Variants in PRDM4 observed in about 807,000 individuals in gnomAD.
PRDM4 encodes PR domain zinc finger protein 4.
A neutral mutation model predicts 62.3 loss-of-function variants in PRDM4; 38 were observed. That is an observed-to-expected ratio of 0.61 (90% CI 0.47 to 0.80). PRDM4 has a LOEUF of 0.80. Among genes scored for constraint, PRDM4 ranks in the 30% least tolerant of loss-of-function variants. The pLI, the probability that PRDM4 is intolerant of heterozygous loss-of-function variation, is 0.00. For missense variants in PRDM4, 858 were observed against 997.1 expected, an observed-to-expected ratio of 0.86 and a Z score of 1.88; for synonymous variants, 339 against 348.2, an observed-to-expected ratio of 0.97 and a Z score of 0.30.
chr12:107,760,439 C>A (rs1384711906), intron 2 of PRDM4, 66 bp downstream of exon 2: 1 of 1,602,994 alleles, frequency 6.2e-7, no homozygotes, highest in Non-Finnish European at 8.5e-7. Flanking sequence ...CGGCACTGAC[C>A]CTGGACACTC....
intron 11 of PRDM4, 69 bp downstream of exon 11, chr12:107,739,314 G>A: frequency 6.5e-7 from 1 of 1,527,458 alleles, no homozygotes; most frequent in Non-Finnish European, 8.9e-7. Flanking sequence ...CCTTCAATCA[G>A]CAGGTGGGCT....
At chr12:107,750,026 T>C (rs1389626156) in intron 5 of PRDM4, among the ~76,000 whole-genome samples, 1 of 152,226 alleles carries the variant, frequency 6.6e-6, no homozygotes, top group Admixed American at 6.5e-5. Context: ...GTATGTTACT[T>C]CCCTTGGTTA....
At chr12:107,744,119 AG>A (rs201248129) in intron 7 of PRDM4, among the ~76,000 whole-genome samples, 8,697 of 150,706 alleles carry the variant, frequency 0.058, 272 homozygotes, top group South Asian at 0.092. Flanking sequence ...ATCTCAAGGA[AG>A]AAAAAAAAAG....
intron 11 of PRDM4, chr12:107,738,543 C>T (rs1010827550): frequency 4.6e-5 from 7 of 152,212 alleles, no homozygotes; most frequent in Non-Finnish European, 1.0e-4. Flanking sequence ...TTTTCTTCCT[C>T]TTCTGACACT....
chr12:107,753,901 T>A, intron 4 of PRDM4, 23 bp downstream of exon 4: 8 of 1,585,332 alleles, frequency 5.0e-6, no homozygotes, highest in Non-Finnish European at 6.9e-6. Flanking sequence ...TTCTCTAACA[T>A]CTCAAGTAAC....
In PRDM4 at chr12:107,756,835, G is replaced by C. The variant is rs745551816; in HGVS notation, c.142C>G (p.Pro48Ala). The change falls in exon 3 of 12, where the codon CCA becomes GCA. Residue 48 changes from proline (P) to alanine (A), a missense_variant. Physicochemically the swap from Pro to Ala is conservative, Grantham distance 27 (BLOSUM62 -1). Around this residue, in one of 3 missense-constraint regions of PRDM4, gnomAD observed 499 missense variants for 546.7 expected, o/e 0.91. Transcript: ENST00000228437. ...GTAGGTCTCCCTTACCACTCACCTGGGGCAGGGATGGCACTGTGAGTGGGT... is the reference window on the plus strand; with the variant it reads ...GTAGGTCTCCCTTACCACTCACCTGCGGCAGGGATGGCACTGTGAGTGGGT... ...ASPTHSAIPA[P>A]GLPVAIPNLG... 2 of 1,613,998 alleles carry C rather than the reference G, an allele frequency of 1.2e-6. No individual in the cohort carries two copies. The highest frequency in any genetic ancestry group is 1.3e-5 in the African/African-American group (1 of 75,000).
chr12:107,734,399 A>G lies in PRDM4; in HGVS notation c.2217T>C (p.Tyr739=), dbSNP rs765670500. The change falls in exon 12 of 12, where the codon TAT becomes TAC. Residue 739 remains tyrosine (Y), a synonymous_variant. Coordinates refer to ENST00000228437, the MANE Select transcript of PRDM4 (RefSeq NM_012406.4). ...DYVCEKCTKA[Y]LTKYHLTRHL... The stretch of plus-strand genomic sequence containing the variant: ...GGCGGGTGAGATGGTATTTGGTTAG[A>G]TAAGCCTTTGTACATTTTTCACAGA... The G allele has an allele frequency of 5.0e-6, 8 of 1,614,050 alleles. No homozygotes were observed. Among genetic ancestry groups the G allele is most frequent in the Non-Finnish European group, 5.9e-6 (7 of 1,180,028 alleles).
rs1814335 is a variant in PRDM4, at chr12:107,756,981, C to A, written c.12-16G>T. 0.37 allele frequency: 591,851 copies of A among 1,610,856 alleles called. 116,506 individuals carry two copies. The highest frequency in any genetic ancestry group is 0.41 in the Middle Eastern group (2,467 of 6,034). On this transcript the variant is annotated splice_polypyrimidine_tract_variant and intron_variant, in intron 2 of 11. Transcript: ENST00000228437. ...TTCATTCATCCTAGAAAAGAGCACA[C>A]ACAACTAGTTATGCAAAAATTTACT... is the stretch of plus-strand genomic sequence containing the variant.
In PRDM4 at chr12:107,739,452, T is replaced by C. The variant is rs1398572403; in HGVS notation, c.2024A>G (p.Lys675Arg). ...AAACAACTTGTCACAGTAATCACACTTAAGATTCTTCTCCCCAGTGTGGAT... is the reference window on the plus strand; with the variant it reads ...AAACAACTTGTCACAGTAATCACACCTAAGATTCTTCTCCCCAGTGTGGAT... ...MVIHTGEKNLKCDYCDKLFMR... is the reference protein window; with the variant it reads ...MVIHTGEKNLRCDYCDKLFMR... The change falls in exon 11 of 12, where the codon AAG becomes AGG. Residue 675 changes from lysine to arginine, a missense_variant. By Grantham distance (26) the Lys-to-Arg change is conservative (BLOSUM62 2). Transcript: ENST00000228437. 6.2e-7 allele frequency: 1 copy of C among 1,613,942 alleles called. No homozygotes were observed. Among genetic ancestry groups the C allele is most frequent in the South Asian group, 1.1e-5 (1 of 91,078 alleles).
rs1045749 is a variant in PRDM4, at chr12:107,733,077, T to C, written c.*1133A>G. 44,526 of 152,466 alleles carry C rather than the reference T, an allele frequency of 0.29. 8,216 individuals carry two copies. The highest frequency in any genetic ancestry group is 0.43 in the Middle Eastern group (125 of 294). The allele number at this position is 152,466 out of a possible 1,614,324, so 9.4% of individuals were successfully genotyped here. A position where few individuals can be genotyped will look rare whatever the true frequency, so the allele number is the denominator to read the frequency against. ...GCTTCTGAGAAACGCTGGATGTGCATGGGAGACACAATGACCAGGTGCATG... is the reference window on the plus strand; with the variant it reads ...GCTTCTGAGAAACGCTGGATGTGCACGGGAGACACAATGACCAGGTGCATG... On this transcript the variant is annotated 3_prime_UTR_variant, in exon 12 of 12. Coordinates refer to ENST00000228437, the MANE Select transcript of PRDM4 (RefSeq NM_012406.4).
chr12:107,740,242 T>C (rs1890473379), intron 10 of PRDM4, among the ~76,000 whole-genome samples: 1 of 152,140 alleles, frequency 6.6e-6, no homozygotes, highest in Non-Finnish European at 1.5e-5. Flanking sequence ...ATCCTAGCAT[T>C]TTGGGAGGCT....
At chr12:107,738,903 ACACACACACAC>A (rs1890424967) in intron 11 of PRDM4, among the ~76,000 whole-genome samples, 1 of 151,554 alleles carries the variant, frequency 6.6e-6, no homozygotes, top group East Asian at 1.9e-4. Context: ...ACACACACAC[ACACACACACAC>A]CAACAGAACA....
chr12:107,750,412 T>C (rs533671751), intron 5 of PRDM4, among the ~76,000 whole-genome samples: 2 of 152,150 alleles, frequency 1.3e-5, no homozygotes, highest in South Asian at 2.1e-4. Context: ...GGTGTGGTGG[T>C]ACACACTTGG....
chr12:107,745,402 A>T (rs1241678582), intron 6 of PRDM4, among the ~76,000 whole-genome samples: 1 of 152,080 alleles, frequency 6.6e-6, no homozygotes, highest in African/African-American at 2.4e-5. Flanking sequence ...TCTCTACAAA[A>T]AAAATTTTTT....
At chr12:107,752,235 C>A in intron 4 of PRDM4, 26 bp from the exon 5 acceptor site, 1 of 1,504,600 alleles carries the variant, frequency 6.6e-7, no homozygotes, top group South Asian at 1.1e-5. Flanking sequence ...GATGAGATAT[C>A]AGAGACTTTT....
intron 6 of PRDM4, among the ~76,000 whole-genome samples, chr12:107,745,621 A>G (rs952418006): frequency 1.3e-5 from 2 of 152,342 alleles, no homozygotes; most frequent in East Asian, 3.9e-4. Flanking sequence ...ACATTATTCT[A>G]TTGTAAAAAT....
At chr12:107,736,054 A>T (rs1890319829) in intron 11 of PRDM4, among the ~76,000 whole-genome samples, 5 of 152,184 alleles carry the variant, frequency 3.3e-5, no homozygotes. Flanking sequence ...CAAGGCCACA[A>T]CAAAACCCCT....
At chr12:107,750,666 GAAT>G (rs1482537032) in intron 5 of PRDM4, among the ~76,000 whole-genome samples, 5 of 151,982 alleles carry the variant, frequency 3.3e-5, no homozygotes, top group African/African-American at 7.3e-5. Flanking sequence ...ACACGCCCAA[GAAT>G]AATAATTTAT....
Position 107,734,003 on chromosome 12 carries a change from G to C in PRDM4, c.*207C>G. 1 of 547,320 alleles carries C rather than the reference G, an allele frequency of 1.8e-6. No individual in the cohort carries two copies. The highest frequency in any genetic ancestry group is 3.1e-6 in the Non-Finnish European group (1 of 319,144). 33.9% of individuals were successfully genotyped at this position (547,320 alleles called of 1,614,324 possible). ...CCCTCCCAGTCCACCACTTAAAACA[G>C]GACACATGCTCAGTTTTCCCAATCT... On this transcript the variant is annotated 3_prime_UTR_variant, in exon 12 of 12. Coordinates refer to ENST00000228437, the MANE Select transcript of PRDM4 (RefSeq NM_012406.4).
Sources: gnomAD v4.1 joint callset for allele counts (sites outside exome capture counted in the v4.1 genomes callset) on GRCh38, gnomAD v4.1.1 for gene constraint, gnomAD v4.1.1 regional missense constraint, MANE v1.5 for transcripts, NCBI Gene and HGNC (gene_info 2026-07-23, HGNC 2026-07-21) for gene names.